Variants in PRPS1 observed in about 807,000 individuals in gnomAD.
PRPS1 encodes ribose-phosphate pyrophosphokinase 1.
A neutral mutation model predicts 16.9 loss-of-function variants in PRPS1; 1 was observed. The observed-to-expected ratio is 0.06, with a 90% CI of 0.02 to 0.28. PRPS1 has a LOEUF of 0.28. Ranked by LOEUF, PRPS1 falls within the 10% of genes least tolerant of loss-of-function variation. The pLI is 1.00. For missense variants in PRPS1, 47 were observed against 254.0 expected, an observed-to-expected ratio of 0.19 and a Z score of 5.54; for synonymous variants, 70 against 90.2, an observed-to-expected ratio of 0.78 and a Z score of 1.27.
At chrX:107,648,743 A>G (rs1428194596) in intron 6 of PRPS1, among the ~76,000 whole-genome samples, 1 of 106,735 alleles carries the variant, frequency 9.4e-6, no homozygotes, top group African/African-American at 3.4e-5. Flanking sequence ...TTTTTCCTTC[A>G]TAAGGTTTTT....
intron 6 of PRPS1, 76 bp from the exon 7 acceptor site, chrX:107,649,864 C>G: frequency 8.3e-7 from 1 of 1,209,974 alleles, no homozygotes; most frequent in Non-Finnish European, 1.1e-6. Flanking sequence ...TGCCTGGCTG[C>G]TCATCAGTGT....
chrX:107,631,942 G>A (rs940464222), intron 1 of PRPS1, among the ~76,000 whole-genome samples: 4 of 112,559 alleles, frequency 3.6e-5, no homozygotes, highest in Non-Finnish European at 7.5e-5. Flanking sequence ...CCACACCTTG[G>A]CCTCCCAAAG....
At chrX:107,639,160 T>A (rs1925517256) in intron 1 of PRPS1, 135 bp from the exon 2 acceptor site, 1 of 732,653 alleles carries the variant, frequency 1.4e-6, no homozygotes, top group South Asian at 2.3e-5. Flanking sequence ...ACATGTTCAA[T>A]ACAGGTGCAA....
rs777180568 is a variant in PRPS1, at chrX:107,650,467, C to A, written c.*435C>A. ...GTCTATGCTAAATTATAGCAAGAGC[C>A]CTGGGCAACCCCAAACCTAGTCCTG... On this transcript the variant is annotated 3_prime_UTR_variant, in exon 7 of 7. Transcript: ENST00000372435. 1 of 315,146 alleles carries A rather than the reference C, an allele frequency of 3.2e-6. No individual in the cohort carries two copies. Among genetic ancestry groups the A allele is most frequent in the South Asian group, 1.5e-4 (1 of 6,659 alleles). The allele number at this position is 315,146 out of a possible 1,213,427, so 26.0% of individuals were successfully genotyped here. A position where few individuals can be genotyped will look rare whatever the true frequency, so the allele number is the denominator to read the frequency against.
chrX:107,634,795 T>G (rs1925392673), intron 1 of PRPS1, among the ~76,000 whole-genome samples: 1 of 109,807 alleles, frequency 9.1e-6, no homozygotes, highest in Non-Finnish European at 1.9e-5. Context: ...GGTCTAAGAA[T>G]GTTGTTTTCT....
chrX:107,635,104 G>A (rs754112314), intron 1 of PRPS1, among the ~76,000 whole-genome samples: 2 of 112,328 alleles, frequency 1.8e-5, no homozygotes, highest in Admixed American at 9.4e-5. Flanking sequence ...GCCTCCCAAA[G>A]TGCTGGGATT....
In PRPS1 at chrX:107,650,292, C is replaced by T. The variant is rs1391161789; in HGVS notation, c.*260C>T. ...AGCTTTAACTATAGCTCAGCTGCTG[C>T]AAGATTTCAGACTTTTGAGGATGTT... On this transcript the variant is annotated 3_prime_UTR_variant, in exon 7 of 7. Coordinates refer to ENST00000372435, the MANE Select transcript of PRPS1 (RefSeq NM_002764.4). The T allele has an allele frequency of 2.1e-6, 1 of 481,424 alleles. No homozygotes were observed. Among genetic ancestry groups the T allele is most frequent in the Non-Finnish European group, 3.4e-6 (1 of 295,779 alleles). The allele number at this position is 481,424 out of a possible 1,213,427, so 39.7% of individuals were successfully genotyped here.
chrX:107,641,296 C>T (rs969125807), intron 3 of PRPS1, among the ~76,000 whole-genome samples: 9 of 111,804 alleles, frequency 8.0e-5, no homozygotes, highest in African/African-American at 2.9e-4. Flanking sequence ...TATACTTTTT[C>T]ATTATTGTGA....
At chrX:107,632,240 A>G (rs1036065896) in intron 1 of PRPS1, among the ~76,000 whole-genome samples, 2 of 112,061 alleles carry the variant, frequency 1.8e-5, no homozygotes, top group African/African-American at 6.5e-5. Flanking sequence ...TTTTGACTCT[A>G]TTCTCTTCAA....
At chrX:107,642,621 T>C in intron 4 of PRPS1, 131 bp downstream of exon 4, 1 of 834,418 alleles carries the variant, frequency 1.2e-6, no homozygotes, top group South Asian at 2.2e-5. Flanking sequence ...AGCTAGCACA[T>C]GGGTTGAATA....
At chrX:107,634,537 T>A (rs1040205594) in intron 1 of PRPS1, among the ~76,000 whole-genome samples, 6 of 110,267 alleles carry the variant, frequency 5.4e-5, no homozygotes, top group African/African-American at 2.0e-4. Flanking sequence ...CAGCCTAGTG[T>A]TACATTTTTT....
chrX:107,641,941 G>A (rs1044009459), intron 3 of PRPS1, among the ~76,000 whole-genome samples: 1 of 112,445 alleles, frequency 8.9e-6, no homozygotes, highest in Non-Finnish European at 1.9e-5. Flanking sequence ...TTTATCATAA[G>A]TAGCTTCCAT....
Position 107,650,276 on chromosome X carries a change from T to A in PRPS1, c.*244T>A. The stretch of plus-strand genomic sequence containing the variant: ...ATTCTGTGGGCCTTGCAGCTTTAAC[T>A]ATAGCTCAGCTGCTGCAAGATTTCA... On this transcript the variant is annotated 3_prime_UTR_variant, in exon 7 of 7. Transcript: ENST00000372435. 5.8e-6 allele frequency: 3 copies of A among 517,696 alleles called. No individual in the cohort carries two copies. The highest frequency in any genetic ancestry group is 9.2e-6 in the Non-Finnish European group (3 of 327,331). The allele number at this position is 517,696 out of a possible 1,213,427, so 42.7% of individuals were successfully genotyped here.
intron 2 of PRPS1, among the ~76,000 whole-genome samples, 178 bp from the exon 3 acceptor site, chrX:107,640,724 T>G (rs1228672810): frequency 8.9e-6 from 1 of 112,494 alleles, no homozygotes; most frequent in Non-Finnish European, 1.9e-5. Context: ...ATGTTCCACT[T>G]AATATTTGTT....
chrX:107,634,185 T>G (rs1925370825), intron 1 of PRPS1, among the ~76,000 whole-genome samples: 1 of 110,649 alleles, frequency 9.0e-6, no homozygotes, highest in African/African-American at 3.3e-5. Context: ...TTTCTAAAGT[T>G]TAGTGTTACT....
At chrX:107,632,556 A>G (rs1237676125) in intron 1 of PRPS1, among the ~76,000 whole-genome samples, 2 of 112,670 alleles carry the variant, frequency 1.8e-5, no homozygotes, top group African/African-American at 3.2e-5. Flanking sequence ...GGATAGACAT[A>G]GCCAGTCTTC....
chrX:107,638,813 A>G (rs1020999044), intron 1 of PRPS1, among the ~76,000 whole-genome samples: 1 of 110,467 alleles, frequency 9.1e-6, no homozygotes, highest in African/African-American at 3.3e-5. Context: ...GCTCACTGCA[A>G]CCTCCGCCTC....
At chrX:107,647,825 C>T (rs1009768447) in intron 6 of PRPS1, 60 bp downstream of exon 6, 36 of 1,120,213 alleles carry the variant, frequency 3.2e-5, no homozygotes, top group Middle Eastern at 4.8e-4. Flanking sequence ...TGGTTACTTA[C>T]GTTGAATTAG....
At position 107,650,175 on chromosome X, in the gene PRPS1, C is replaced by T. The variant is rs1366843230; in HGVS notation, c.*143C>T. 19 of 1,065,625 alleles carry T rather than the reference C, an allele frequency of 1.8e-5. No individual in the cohort carries two copies. Among genetic ancestry groups the T allele is most frequent in the South Asian group, 4.1e-5 (2 of 48,276 alleles). 87.8% of individuals were successfully genotyped at this position (1,065,625 alleles called of 1,213,427 possible). On this transcript the variant is annotated 3_prime_UTR_variant, in exon 7 of 7. Transcript: ENST00000372435. ...CACATCAGGTATATTAGAGCTTATCCGAACTGGGGAAAGACGGATTGAGAT... is the reference window on the plus strand; with the variant it reads ...CACATCAGGTATATTAGAGCTTATCTGAACTGGGGAAAGACGGATTGAGAT...
Sources: allele counts gnomAD v4.1 joint callset (sites outside exome capture counted in the v4.1 genomes callset), GRCh38; gene constraint gnomAD v4.1.1; transcripts MANE v1.5; gene names NCBI Gene and HGNC (gene_info 2026-07-23, HGNC 2026-07-21).